The following SLC1A2 variants were observed in gnomAD, a reference collection of about 807,000 sequenced individuals.
SLC1A2 encodes excitatory amino acid transporter 2.
A neutral mutation model predicts 48.8 loss-of-function variants in SLC1A2; 15 were observed. The observed-to-expected ratio is 0.31, with a 90% CI of 0.21 to 0.47. The LOEUF is 0.47. Among genes scored for constraint, SLC1A2 ranks in the 20% least tolerant of loss-of-function variants. SLC1A2 has a pLI of 0.99. For synonymous variants in SLC1A2, 279 were observed against 272.6 expected, an observed-to-expected ratio of 1.02 and a Z score of -0.23; for missense variants, 502 against 730.5, an observed-to-expected ratio of 0.69 and a Z score of 3.61.
Position 35,305,702 on chromosome 11 carries a change from C to T in SLC1A2, c.730+372G>A, listed in dbSNP as rs570718510. Among the ~76,000 whole-genome samples, 18 of 152,316 alleles carry T rather than the reference C, an allele frequency of 1.2e-4. No homozygotes were observed. The South Asian group carries it at 2.3e-3, about 19-fold the overall frequency. On this transcript the variant is annotated intron_variant, in intron 5 of 10. Coordinates refer to ENST00000278379, the MANE Select transcript of SLC1A2 (RefSeq NM_004171.4). ...CCCCGCACCTAGCACAGCACCAGTA[C>T]ATGGGGGCAGCTTTTAAAAAATGCT...
upstream of SLC1A2, chr11:35,420,045 T>C (rs1267280110): frequency 5.2e-6 from 2 of 386,588 alleles, no homozygotes; most frequent in South Asian, 3.9e-5. Context: ...CCGCCGAAGC[T>C]CGAATAAATC....
At chr11:35,323,625 A>G (rs2134943831) in intron 1 of SLC1A2, among the ~76,000 whole-genome samples, 1 of 152,318 alleles carries the variant, frequency 6.6e-6, no homozygotes, top group Non-Finnish European at 1.5e-5. Flanking sequence ...GGTACCCACG[A>G]TGGAATAAGC....
At chr11:35,407,670 T>G (rs994703348) in intron 1 of SLC1A2, among the ~76,000 whole-genome samples, 1 of 152,254 alleles carries the variant, frequency 6.6e-6, no homozygotes, top group Non-Finnish European at 1.5e-5. Flanking sequence ...TGAAATTGAC[T>G]AATCCAATGA....
chr11:35,314,879 T>C, intron 3 of SLC1A2, 144 bp downstream of exon 3: 2 of 554,496 alleles, frequency 3.6e-6, no homozygotes, highest in East Asian at 5.4e-5. Context: ...ATTATCCTCA[T>C]TTCAGAGACG....
chr11:35,311,921 AGGCG>A (rs1851712030), intron 4 of SLC1A2, among the ~76,000 whole-genome samples: 1 of 2,930 alleles, frequency 3.4e-4, no homozygotes, highest in Non-Finnish European at 6.7e-4. Flanking sequence ...AGAGAGAGAG[AGGCG>A]GGGGGGGGGG....
upstream of SLC1A2, chr11:35,419,820 C>A (rs937167783): frequency 2.8e-6 from 1 of 359,176 alleles, no homozygotes; most frequent in Admixed American, 3.6e-5. The surrounding 1 kb of genome is among the most constrained non-coding windows in gnomAD (Gnocchi z 5.4). Flanking sequence ...CGCGGAGACC[C>A]GGGATGCCCC....
In SLC1A2 at chr11:35,384,355, C is replaced by T. The variant is rs767076803; in HGVS notation, c.17+34595G>A. Among the ~76,000 whole-genome samples the T allele has an allele frequency of 1.3e-4, 20 of 152,270 alleles. No individual in the cohort carries two copies. In the South Asian group the frequency reaches 1.7e-3, roughly 13 times the overall value. ...TATGGAAGATGACTATTCTCATCCACGCAGGTTGCTCCTGGATTGTCTGAG... is the reference window on the plus strand; with the variant it reads ...TATGGAAGATGACTATTCTCATCCATGCAGGTTGCTCCTGGATTGTCTGAG... On this transcript the variant is annotated intron_variant, in intron 1 of 10. Transcript: ENST00000278379.
upstream of SLC1A2, chr11:35,419,934 AC>A (rs1332120661): frequency 2.1e-6 from 1 of 468,600 alleles, no homozygotes; most frequent in Non-Finnish European, 4.4e-6. The surrounding 1 kb of genome is among the most constrained non-coding windows in gnomAD (Gnocchi z 5.4). Flanking sequence ...AGGCACACCC[AC>A]CCCATCCTCC....
At chr11:35,359,757 C>T (rs1853609081) in intron 1 of SLC1A2, among the ~76,000 whole-genome samples, 1 of 152,182 alleles carries the variant, frequency 6.6e-6, no homozygotes, top group African/African-American at 2.4e-5. Context: ...GTTTCAGAAA[C>T]CAATTGTTTT....
intron 1 of SLC1A2, among the ~76,000 whole-genome samples, chr11:35,348,892 C>CAAA (rs397752034): frequency 5.5e-4 from 43 of 78,268 alleles, no homozygotes; most frequent in African/African-American, 7.2e-4. Context: ...GACCTGGTCT[C>CAAA]AAAAAAAAAA....
rs6484771 is a variant in SLC1A2 at position 35,268,995 on chromosome 11, T to A, written c.1422-3237A>T. ...TACTGCTGTGATCTGAACGTTTGCA[T>A]CCCCCCAAAATTCATATGACGAAAC... On this transcript the variant is annotated intron_variant, in intron 9 of 10. Coordinates refer to ENST00000278379, the MANE Select transcript of SLC1A2 (RefSeq NM_004171.4). 6.6e-3 allele frequency among the ~76,000 whole-genome samples: 1,005 copies of A among 152,232 alleles called. 10 individuals carry two copies. The highest frequency in any genetic ancestry group is 0.023 in the African/African-American group (953 of 41,528).
chr11:35,261,094 C>A, intron 10 of SLC1A2, 129 bp from the exon 11 acceptor site: 1 of 713,126 alleles, frequency 1.4e-6, no homozygotes, highest in Non-Finnish European at 2.5e-6. Flanking sequence ...AAATGGAGTT[C>A]TTTCCAAATT....
intron 9 of SLC1A2, among the ~76,000 whole-genome samples, chr11:35,280,003 C>A (rs1233775026): frequency 9.9e-5 from 15 of 152,152 alleles, no homozygotes; most frequent in Admixed American, 6.5e-5. Context: ...AAAACGTACC[C>A]ATTTTAAGTG....
intron 6 of SLC1A2, among the ~76,000 whole-genome samples, chr11:35,297,397 A>C (rs150869507): frequency 1.3e-5 from 2 of 151,934 alleles, no homozygotes; most frequent in African/African-American, 4.8e-5. Flanking sequence ...AGTGAGCCCA[A>C]TCTCTCTCCC....
chr11:35,392,291 G>C lies in SLC1A2; in HGVS notation c.17+26659C>G, dbSNP rs1854801770. ...TTTCTAAGTACATTGCTGAGCTTTC[G>C]CTGATTTCTACATAGGAAGACACAG... On this transcript the variant is annotated intron_variant, in intron 1 of 10. Coordinates refer to ENST00000278379, the MANE Select transcript of SLC1A2 (RefSeq NM_004171.4). 2 of 152,136 alleles carry C rather than the reference G, an allele frequency of 1.3e-5. 1 individual carries two copies. Among genetic ancestry groups the C allele is most frequent in the South Asian group, 4.1e-4 (2 of 4,826 alleles). 9.4% of individuals were successfully genotyped at this position (152,136 alleles called of 1,614,324 possible).
At chr11:35,311,153 C>CT (rs377766388) in intron 4 of SLC1A2, among the ~76,000 whole-genome samples, 3 of 151,128 alleles carry the variant, frequency 2.0e-5, no homozygotes, top group Non-Finnish European at 4.4e-5. Flanking sequence ...GGGTTAAATT[C>CT]TTTTTTTTTG....
chr11:35,322,624 G>C, intron 1 of SLC1A2: 34 of 1,535,182 alleles, frequency 2.2e-5, no homozygotes, highest in Non-Finnish European at 2.9e-5. Context: ...ATCTGGAGAG[G>C]TACTGGGGAG....
chr11:35,419,018 G>A lies in SLC1A2; in HGVS notation c.-52C>T. On this transcript the variant is annotated 5_prime_UTR_variant, in exon 1 of 11. Coordinates refer to ENST00000278379, the MANE Select transcript of SLC1A2 (RefSeq NM_004171.4). This position sits in a 1 kb window ranked among gnomAD's most constrained non-coding sequence, Gnocchi z 5.4. ...AGCACTATCCGGCAGCTGTGGGCGA[G>A]GGAGAAAGCGGACGCCGGGGTGAGC... 6.6e-7 allele frequency: 1 copy of A among 1,520,910 alleles called. No homozygotes were observed. Among genetic ancestry groups the A allele is most frequent in the Non-Finnish European group, 8.9e-7 (1 of 1,124,972 alleles). The allele number at this position is 1,520,910 out of a possible 1,614,324, so 94.2% of individuals were successfully genotyped here.
intron 1 of SLC1A2, among the ~76,000 whole-genome samples, chr11:35,409,779 C>T (rs946856265): frequency 2.6e-5 from 4 of 152,076 alleles, no homozygotes; most frequent in South Asian, 2.1e-4. Flanking sequence ...CATCGTGGTG[C>T]GTACCTGTAA....
Sources: gnomAD v4.1 joint callset for allele counts (sites outside exome capture counted in the v4.1 genomes callset) on GRCh38, gnomAD v4.1.1 for gene constraint, Gnocchi (gnomAD v3.1) non-coding constraint, MANE v1.5 for transcripts, NCBI Gene and HGNC (gene_info 2026-07-23, HGNC 2026-07-21) for gene names.